Variants in TENM2 observed in about 807,000 individuals in gnomAD.
TENM2 encodes teneurin transmembrane protein 2.
In TENM2, 52 loss-of-function variants were observed where a neutral mutation model predicts 245.2. That is an observed-to-expected ratio of 0.21 (90% CI 0.17 to 0.27). The LOEUF (loss-of-function observed/expected upper bound fraction) is 0.27. TENM2 is among the 10% of genes least tolerant of loss of function. TENM2 has a pLI of 1.00. For missense variants in TENM2, 3,046 were observed against 3,666.8 expected (o/e 0.83, Z 4.37); for synonymous variants, 1,363 against 1,438.9 (o/e 0.95, Z 1.19).
rs146494465 is a variant in TENM2 at position 167,581,172 on chromosome 5, C to T, written c.502+205699C>T. ...TTTGACAAACATACTTATTAATAAT[C>T]GGTAGCAGTTTGAGGTGCTTAATAC... On this transcript the variant is annotated intron_variant, in intron 2 of 28. Transcript: ENST00000518659. Among the ~76,000 whole-genome samples the T allele has an allele frequency of 4.9e-4, 75 of 152,266 alleles. 1 individual carries two copies. Among genetic ancestry groups the T allele is most frequent in the African/African-American group, 1.7e-3 (71 of 41,546 alleles).
intron 1 of TENM2, among the ~76,000 whole-genome samples, chr5:167,331,787 A>G (rs1395247201): frequency 6.6e-6 from 1 of 152,214 alleles, no homozygotes; most frequent in Non-Finnish European, 1.5e-5. Flanking sequence ...ATACGGAAGC[A>G]GAGAATGTTG....
chr5:168,245,819 T>G (rs1370172708), intron 26 of TENM2, among the ~76,000 whole-genome samples: 1 of 152,168 alleles, frequency 6.6e-6, no homozygotes, highest in Admixed American at 6.5e-5. Flanking sequence ...TTGTTATGCC[T>G]GAAACACAGG....
chr5:167,485,387 T>G (rs1212559166), intron 2 of TENM2, among the ~76,000 whole-genome samples: 1 of 152,220 alleles, frequency 6.6e-6, no homozygotes, highest in Non-Finnish European at 1.5e-5. Flanking sequence ...ACTGTTATTT[T>G]CAAATCACAC....
rs146138178 is a variant in TENM2, at chr5:167,906,184, T to G, written c.712+29989T>G. Reference sequence around the variant, plus strand: ...GGAGGCAGCCAGGAGTGAGGTTATTTTAAAAAAAATAAAATAAAATAAAAA... The same window carrying G: ...GGAGGCAGCCAGGAGTGAGGTTATTGTAAAAAAAATAAAATAAAATAAAAA... On this transcript the variant is annotated intron_variant, in intron 3 of 28. Coordinates refer to ENST00000518659, the Ensembl canonical transcript of TENM2. Among the ~76,000 whole-genome samples the G allele has an allele frequency of 3.6e-4, 55 of 152,220 alleles. 1 individual carries two copies. The highest frequency in any genetic ancestry group is 1.3e-3 in the African/African-American group (54 of 41,528).
chr5:167,346,339 A>G (rs975921369), intron 1 of TENM2, among the ~76,000 whole-genome samples: 6 of 152,272 alleles, frequency 3.9e-5, no homozygotes, highest in Non-Finnish European at 8.8e-5. Flanking sequence ...GCTCCTATTC[A>G]TACACGGAGC....
rs965769393 is a variant in TENM2, at chr5:167,352,668, A to G, written c.227-22530A>G. 2.6e-5 allele frequency among the ~76,000 whole-genome samples: 4 copies of G among 152,222 alleles called. No individual in the cohort carries two copies. The South Asian group carries it at 8.3e-4, about 31-fold the overall frequency. ...CAAAGGATCTACATAGCAACAATAC[A>G]TATGAGAAAAGAGATGATAGCACAA... On this transcript the variant is annotated intron_variant, in intron 1 of 28. Transcript: ENST00000518659.
the TENM2 span, among the ~76,000 whole-genome samples, chr5:167,167,178 G>A: frequency 6.6e-6 from 1 of 152,084 alleles, no homozygotes; most frequent in Admixed American, 6.5e-5. Flanking sequence ...TTTTTTATTG[G>A]ATCAGCAAGT....
chr5:167,013,716 T>G, the TENM2 span, among the ~76,000 whole-genome samples: 57,413 of 151,724 alleles, frequency 0.38, 11,386 homozygotes, highest in Non-Finnish European at 0.46. Flanking sequence ...CAAAAATAAA[T>G]AAAGAAAGAA....
At chr5:167,691,758 G>T (rs1293117181) in intron 2 of TENM2, among the ~76,000 whole-genome samples, 1 of 152,096 alleles carries the variant, frequency 6.6e-6, no homozygotes, top group African/African-American at 2.4e-5. Flanking sequence ...AGAACTGGGA[G>T]TTCTCCAGGA....
At chr5:166,980,938 G>A in the TENM2 span, among the ~76,000 whole-genome samples, 8 of 152,172 alleles carry the variant, frequency 5.3e-5, no homozygotes, top group African/African-American at 1.4e-4. Context: ...ACTTGTCTAT[G>A]TGCCAAGAAT....
intron 13 of TENM2, chr5:168,187,575 G>A (rs1011935307): frequency 6.6e-5 from 10 of 152,354 alleles, no homozygotes; most frequent in South Asian, 2.1e-4. Context: ...AGGAAGCCCT[G>A]CCAGCATATC....
intron 2 of TENM2, among the ~76,000 whole-genome samples, chr5:167,389,224 G>T (rs1388541970): frequency 6.7e-6 from 1 of 148,246 alleles, no homozygotes. Context: ...CAAAGCATAT[G>T]TGCGTATATA....
chr5:167,274,770 T>C, the TENM2 span, among the ~76,000 whole-genome samples: 3 of 152,040 alleles, frequency 2.0e-5, no homozygotes, highest in Admixed American at 6.6e-5. Flanking sequence ...GAACATGTTT[T>C]CATATGTTTA....
intron 2 of TENM2, among the ~76,000 whole-genome samples, chr5:167,664,855 A>G (rs563834078): frequency 6.6e-6 from 1 of 152,314 alleles, no homozygotes; most frequent in African/African-American, 2.4e-5. Context: ...AAGATCTATC[A>G]TCCAAGAATT....
At position 168,029,789 on chromosome 5, in the gene TENM2, C is replaced by T. The variant is rs183748015; in HGVS notation, c.1187-17638C>T. On this transcript the variant is annotated intron_variant, in intron 5 of 28. Transcript: ENST00000518659. ...TAGAGTTTATATGTTTGGCTTAAATCGTTAGTCTTCCCTATAATTGCACAT... is the reference window on the plus strand; with the variant it reads ...TAGAGTTTATATGTTTGGCTTAAATTGTTAGTCTTCCCTATAATTGCACAT... Among the ~76,000 whole-genome samples, 7 of 152,316 alleles carry T rather than the reference C, an allele frequency of 4.6e-5. No individual in the cohort carries two copies. The East Asian group carries it at 9.6e-4, about 21-fold the overall frequency.
chr5:168,172,156 G>T (rs981674314), intron 13 of TENM2, among the ~76,000 whole-genome samples: 14 of 152,190 alleles, frequency 9.2e-5, no homozygotes, highest in Non-Finnish European at 1.5e-5. Context: ...AGAGGCCAGG[G>T]TTGCTGCCAA....
At chr5:167,496,103 A>G (rs1768799720) in intron 2 of TENM2, among the ~76,000 whole-genome samples, 1 of 152,090 alleles carries the variant, frequency 6.6e-6, no homozygotes. Context: ...CAGAACTAGG[A>G]CAATCCTTTT....
At chr5:167,148,893 T>G in the TENM2 span, among the ~76,000 whole-genome samples, 1 of 152,172 alleles carries the variant, frequency 6.6e-6, no homozygotes, top group Non-Finnish European at 1.5e-5. Context: ...ATAATAAAAT[T>G]TATTACCAGG....
In TENM2 at chr5:168,070,091, T is replaced by C. The variant is rs542121270; in HGVS notation, c.1515+7826T>C. Among the ~76,000 whole-genome samples the C allele has an allele frequency of 1.2e-3, 184 of 152,348 alleles. 1 individual carries two copies. Among genetic ancestry groups the C allele is most frequent in the African/African-American group, 4.3e-3 (177 of 41,578 alleles). On this transcript the variant is annotated intron_variant, in intron 7 of 28. Coordinates refer to ENST00000518659, the Ensembl canonical transcript of TENM2. ...TGTCAAACTAAGTGATGCTGCACTG[T>C]CCTGTGTGTTTCATTGATTCTAAGA...
Sources: gnomAD v4.1 joint callset for allele counts (sites outside exome capture counted in the v4.1 genomes callset) on GRCh38, gnomAD v4.1.1 for gene constraint, MANE v1.5 for transcripts, NCBI Gene and HGNC (gene_info 2026-07-23, HGNC 2026-07-21) for gene names.